The following CCSER1 variants were observed in gnomAD, a reference collection of about 807,000 sequenced individuals.
The protein encoded by CCSER1 is coiled-coil serine rich protein 1.
A neutral mutation model predicts 82.0 loss-of-function variants in CCSER1; 41 were observed. The ratio of observed to expected loss-of-function variants is 0.50; its 90% CI spans 0.39 to 0.65. The LOEUF (loss-of-function observed/expected upper bound fraction) is 0.65. Among genes scored for constraint, CCSER1 ranks in the 30% least tolerant of loss-of-function variants. CCSER1 has a pLI of 0.00. For missense variants in CCSER1, 1,119 were observed against 1,064.2 expected (o/e 1.05, Z -0.72); for synonymous variants, 414 against 383.9 (o/e 1.08, Z -0.92).
intron 1 of CCSER1, among the ~76,000 whole-genome samples, chr4:90,140,921 T>C (rs976705551): frequency 6.6e-6 from 1 of 151,940 alleles, no homozygotes; most frequent in African/African-American, 2.4e-5. Context: ...CGCCTCAGCC[T>C]CCCAAAGTGC....
intron 10 of CCSER1, among the ~76,000 whole-genome samples, chr4:91,234,923 T>C (rs1264496746): frequency 6.6e-6 from 1 of 152,080 alleles, no homozygotes; most frequent in Non-Finnish European, 1.5e-5. Flanking sequence ...TCATTTGTGG[T>C]ATGATTAGTT....
At chr4:90,255,369 G>T (rs1349694111) in intron 1 of CCSER1, among the ~76,000 whole-genome samples, 1 of 151,944 alleles carries the variant, frequency 6.6e-6, no homozygotes, top group Non-Finnish European at 1.5e-5. Flanking sequence ...TTGATGATTG[G>T]AATGATTAAT....
At chr4:91,457,510 A>G (rs570662902) in intron 10 of CCSER1, among the ~76,000 whole-genome samples, 3 of 151,900 alleles carry the variant, frequency 2.0e-5, no homozygotes, top group Non-Finnish European at 4.4e-5. Flanking sequence ...ACAAAAAAAT[A>G]AAAAAAATAA....
chr4:90,234,788 A>C (rs577915019), intron 1 of CCSER1, among the ~76,000 whole-genome samples: 1 of 152,288 alleles, frequency 6.6e-6, no homozygotes, highest in South Asian at 2.1e-4. Context: ...AGAGAGGTTA[A>C]ATTTGAGCAG....
intron 7 of CCSER1, among the ~76,000 whole-genome samples, chr4:90,802,731 T>A (rs1377248977): frequency 6.6e-6 from 1 of 152,198 alleles, no homozygotes; most frequent in Admixed American, 6.5e-5. Context: ...TTTATTTCAC[T>A]AGCTACCCAG....
intron 10 of CCSER1, among the ~76,000 whole-genome samples, chr4:91,135,854 A>G (rs1205312424): frequency 2.0e-5 from 3 of 152,198 alleles, no homozygotes; most frequent in Admixed American, 6.5e-5. Context: ...TTTTAAAAAT[A>G]TCTTCTAACT....
chr4:90,825,070 C>A (rs1484410271), intron 8 of CCSER1, among the ~76,000 whole-genome samples: 1 of 152,088 alleles, frequency 6.6e-6, no homozygotes, highest in East Asian at 1.9e-4. Flanking sequence ...AAGATACAAT[C>A]TTTAATATTC....
chr4:90,946,367 A>G (rs1732241190), intron 9 of CCSER1, among the ~76,000 whole-genome samples: 1 of 152,212 alleles, frequency 6.6e-6, no homozygotes, highest in Non-Finnish European at 1.5e-5. Context: ...GCGGTGGCCC[A>G]TGCCTGTAAT....
intron 1 of CCSER1, among the ~76,000 whole-genome samples, chr4:90,238,649 A>G (rs1160346540): frequency 6.6e-6 from 1 of 151,742 alleles, no homozygotes; most frequent in Non-Finnish European, 1.5e-5. Flanking sequence ...TCCTTCTCAC[A>G]CCCCCTCAAC....
chr4:90,771,431 A>T lies in CCSER1; in HGVS notation c.2011-44331A>T, dbSNP rs192150950. 2.0e-5 allele frequency among the ~76,000 whole-genome samples: 3 copies of T among 151,778 alleles called. No homozygotes were observed. In the East Asian group the frequency reaches 5.8e-4, roughly 29 times the overall value. ...TTGACCCATTTATATCACCTTATAG[A>T]TTTATACTTGAATTGGTAGATATAA... On this transcript the variant is annotated intron_variant, in intron 7 of 10. Coordinates refer to ENST00000509176, the MANE Select transcript of CCSER1 (RefSeq NM_001145065.2).
intron 6 of CCSER1, among the ~76,000 whole-genome samples, chr4:90,690,026 T>C (rs1735541914): frequency 6.6e-6 from 1 of 152,030 alleles, no homozygotes; most frequent in South Asian, 2.1e-4. Context: ...AAGAATAAAC[T>C]TGGGCCAGGT....
At chr4:90,334,414 G>T (rs1259472414) in intron 3 of CCSER1, among the ~76,000 whole-genome samples, 1 of 151,960 alleles carries the variant, frequency 6.6e-6, no homozygotes, top group Non-Finnish European at 1.5e-5. Context: ...TCATTATGTG[G>T]CTATAGGTTA....
intron 9 of CCSER1, among the ~76,000 whole-genome samples, chr4:91,021,737 T>C (rs1903497): frequency 2.0e-5 from 3 of 151,934 alleles, no homozygotes; most frequent in Non-Finnish European, 4.4e-5. Flanking sequence ...CTGTAAACCA[T>C]TAACCACGAA....
chr4:90,977,445 T>C (rs1735710631), intron 9 of CCSER1, among the ~76,000 whole-genome samples: 1 of 151,594 alleles, frequency 6.6e-6, no homozygotes, highest in South Asian at 2.1e-4. Context: ...ATATTATAAT[T>C]ATATGTGCTT....
chr4:91,227,941 A>G (rs1738336732), intron 10 of CCSER1, among the ~76,000 whole-genome samples: 1 of 151,882 alleles, frequency 6.6e-6, no homozygotes, highest in Admixed American at 6.6e-5. Context: ...GAATTTGTAG[A>G]TTCATCCTCT....
chr4:90,777,208 T>A (rs1753025146), intron 7 of CCSER1, among the ~76,000 whole-genome samples: 1 of 151,566 alleles, frequency 6.6e-6, no homozygotes, highest in Non-Finnish European at 1.5e-5. Context: ...AATACAAAAA[T>A]CAGCCAGGCG....
At chr4:91,273,811 A>C (rs1742220918) in intron 10 of CCSER1, among the ~76,000 whole-genome samples, 1 of 152,162 alleles carries the variant, frequency 6.6e-6, no homozygotes, top group African/African-American at 2.4e-5. Context: ...TTTAATCATA[A>C]AAGGATGCTA....
intron 5 of CCSER1, among the ~76,000 whole-genome samples, chr4:90,562,302 T>C (rs921297397): frequency 1.3e-5 from 2 of 152,068 alleles, no homozygotes; most frequent in African/African-American, 4.8e-5. Flanking sequence ...TGTTAGTCAT[T>C]AGTAGACTCT....
chr4:90,743,045 T>A (rs1231002649), intron 7 of CCSER1, among the ~76,000 whole-genome samples: 2 of 152,324 alleles, frequency 1.3e-5, no homozygotes, highest in African/African-American at 2.4e-5. Flanking sequence ...TTAGGAAAAA[T>A]TGGCATGTTG....
Sources: gnomAD v4.1 joint callset for allele counts (sites outside exome capture counted in the v4.1 genomes callset) on GRCh38, gnomAD v4.1.1 for gene constraint, MANE v1.5 for transcripts, NCBI Gene and HGNC (gene_info 2026-07-23, HGNC 2026-07-21) for gene names.